The following NDST4 variants were observed in gnomAD, a reference collection of about 807,000 sequenced individuals.
NDST4 encodes N-heparan sulfate sulfotransferase 4.
Under a neutral mutation model 100.8 loss-of-function variants are expected in NDST4, and 63 were observed. That is an observed-to-expected ratio of 0.62 (90% CI 0.51 to 0.77). The LOEUF (loss-of-function observed/expected upper bound fraction) is 0.77. Ranked by LOEUF, NDST4 falls within the 30% of genes least tolerant of loss-of-function variation. The pLI is 0.00. For synonymous variants in NDST4, 377 were observed against 361.8 expected, an observed-to-expected ratio of 1.04 and a Z score of -0.48; for missense variants, 943 against 1,018.4, an observed-to-expected ratio of 0.93 and a Z score of 1.01.
intron 1 of NDST4, among the ~76,000 whole-genome samples, chr4:115,089,134 A>G (rs1176689445): frequency 6.6e-6 from 1 of 152,012 alleles, no homozygotes; most frequent in Admixed American, 6.6e-5. Context: ...CCAAGGTACA[A>G]CTCAAATGAT....
intron 2 of NDST4, among the ~76,000 whole-genome samples, chr4:115,061,912 G>C (rs554130500): frequency 6.6e-6 from 1 of 151,748 alleles, no homozygotes; most frequent in Non-Finnish European, 1.5e-5. Context: ...TATATGAGAG[G>C]AAAAAAGTGA....
intron 7 of NDST4, among the ~76,000 whole-genome samples, chr4:114,869,781 A>AC (rs1724108181): frequency 1.3e-5 from 2 of 152,164 alleles, no homozygotes; most frequent in Non-Finnish European, 2.9e-5. Flanking sequence ...TTTGAGAAAA[A>AC]ATTTATTTTG....
chr4:114,941,958 G>C (rs959824526), intron 4 of NDST4, among the ~76,000 whole-genome samples: 1 of 152,128 alleles, frequency 6.6e-6, no homozygotes, highest in Non-Finnish European at 1.5e-5. Context: ...CTGTTGAGAC[G>C]TCTAGTGGTT....
chr4:115,019,315 G>A (rs537801057), intron 2 of NDST4, among the ~76,000 whole-genome samples: 3 of 152,086 alleles, frequency 2.0e-5, no homozygotes, highest in Non-Finnish European at 4.4e-5. Flanking sequence ...CTCTAAACAA[G>A]GTGTATGTAT....
rs368080530 is a variant in NDST4 at position 114,829,721 on chromosome 4, T to G, written c.2499+69A>C. 3.7e-3 allele frequency: 4,108 copies of G among 1,108,070 alleles called. 18 individuals are homozygous for G. The highest frequency in any genetic ancestry group is 4.7e-3 in the Non-Finnish European group (3,576 of 764,370). The allele number at this position is 1,108,070 out of a possible 1,614,324, so 68.6% of individuals were successfully genotyped here. A position where few individuals can be genotyped will look rare whatever the true frequency, so the allele number is the denominator to read the frequency against. ...GCAGAAAAAGGAAGCAAATTTCTTG[T>G]TACTAGTTTTGAAATAGCTGTTTGC... On this transcript the variant is annotated intron_variant, in intron 13 of 13. Transcript: ENST00000264363.
chr4:114,963,362 T>C (rs567773899), intron 4 of NDST4, among the ~76,000 whole-genome samples: 22 of 152,284 alleles, frequency 1.4e-4, no homozygotes, highest in African/African-American at 5.3e-4. Context: ...TCTACTTATA[T>C]CCCACGTCCA....
intron 11 of NDST4, among the ~76,000 whole-genome samples, chr4:114,839,008 G>A (rs1723368406): frequency 1.3e-5 from 2 of 152,120 alleles, no homozygotes; most frequent in Admixed American, 6.6e-5. Flanking sequence ...TAAAGTTGTT[G>A]TCTAACTGGC....
rs562629195 is a variant in NDST4, at chr4:114,963,562, G to A, written c.1221+6868C>T. On this transcript the variant is annotated intron_variant, in intron 4 of 13. Transcript: ENST00000264363. Reference sequence around the variant, plus strand: ...CCATTGAAGTTTACACTTTACGTGGGTGAACCTTATGATATGTTAATACCA... The same window carrying A: ...CCATTGAAGTTTACACTTTACGTGGATGAACCTTATGATATGTTAATACCA... 2.6e-5 allele frequency among the ~76,000 whole-genome samples: 4 copies of A among 152,246 alleles called. No homozygotes were observed. In the East Asian group the frequency reaches 7.7e-4, roughly 29 times the overall value.
chr4:114,845,460 C>T (rs77595065), intron 10 of NDST4, among the ~76,000 whole-genome samples: 19 of 152,224 alleles, frequency 1.2e-4, no homozygotes, highest in African/African-American at 2.6e-4. Context: ...TTAACTTGGA[C>T]GAAACTTTTA....
intron 7 of NDST4, among the ~76,000 whole-genome samples, chr4:114,862,620 T>G (rs1485726670): frequency 6.6e-6 from 1 of 152,162 alleles, no homozygotes; most frequent in Non-Finnish European, 1.5e-5. Flanking sequence ...TTATCTTCTT[T>G]ATTGCAGTGC....
In NDST4 at chr4:115,012,037, G is replaced by A. The variant is rs951703247; in HGVS notation, c.979-34763C>T. Among the ~76,000 whole-genome samples the A allele has an allele frequency of 9.9e-5, 15 of 152,020 alleles. No individual in the cohort carries two copies. The East Asian group carries it at 2.7e-3, about 27-fold the overall frequency. On this transcript the variant is annotated intron_variant, in intron 2 of 13. Coordinates refer to ENST00000264363, the MANE Select transcript of NDST4 (RefSeq NM_022569.3). The stretch of plus-strand genomic sequence containing the variant: ...GATAGGAGTAAAGTGAATAAAGTAA[G>A]AGAGGATTCAAAGCCTACTTAGAAT...
chr4:114,859,882 A>T (rs73848500), intron 7 of NDST4, among the ~76,000 whole-genome samples: 2,729 of 152,306 alleles, frequency 0.018, 88 homozygotes, highest in African/African-American at 0.061. Flanking sequence ...CATTTCTTAA[A>T]TCATTTGCAA....
chr4:115,105,541 G>A (rs1375564425), intron 1 of NDST4, among the ~76,000 whole-genome samples: 1 of 152,100 alleles, frequency 6.6e-6, no homozygotes, highest in Non-Finnish European at 1.5e-5. Context: ...AACTGCTAGA[G>A]CTGGATTTAG....
At chr4:115,087,095 T>G (rs746200795) in intron 1 of NDST4, among the ~76,000 whole-genome samples, 1 of 152,044 alleles carries the variant, frequency 6.6e-6, no homozygotes, top group African/African-American at 2.4e-5. Flanking sequence ...TAAACAATTT[T>G]TGAATGCTTA....
intron 7 of NDST4, among the ~76,000 whole-genome samples, chr4:114,859,843 T>C (rs2126192145): frequency 6.6e-6 from 1 of 152,368 alleles, no homozygotes; most frequent in South Asian, 2.1e-4. Context: ...TTCAGTTTCA[T>C]AGTTTCCCTT....
At chr4:114,881,387 C>T (rs569819141) in intron 6 of NDST4, among the ~76,000 whole-genome samples, 1 of 152,052 alleles carries the variant, frequency 6.6e-6, no homozygotes, top group Admixed American at 6.6e-5. Flanking sequence ...AAGGTATACT[C>T]AGGTTTCTGG....
At chr4:115,035,497 G>T (rs1728214015) in intron 2 of NDST4, among the ~76,000 whole-genome samples, 1 of 151,982 alleles carries the variant, frequency 6.6e-6, no homozygotes, top group Admixed American at 6.6e-5. Flanking sequence ...ACAAGGGGAA[G>T]TAGGAATAAT....
At chr4:114,897,151 G>GACAGATGTATA (rs1724733237) in intron 6 of NDST4, among the ~76,000 whole-genome samples, 1 of 152,218 alleles carries the variant, frequency 6.6e-6, no homozygotes, top group South Asian at 2.1e-4. Flanking sequence ...TATAGATTTA[G>GACAGATGTATA]ACAGATGTAT....
intron 6 of NDST4, among the ~76,000 whole-genome samples, chr4:114,904,634 T>A (rs1399628274): frequency 6.6e-6 from 1 of 151,908 alleles, no homozygotes; most frequent in Non-Finnish European, 1.5e-5. Flanking sequence ...TTATATGGAT[T>A]TTTTTAGAAT....
Sources: allele counts gnomAD v4.1 joint callset (sites outside exome capture counted in the v4.1 genomes callset), GRCh38; gene constraint gnomAD v4.1.1; transcripts MANE v1.5; gene names NCBI Gene and HGNC (gene_info 2026-07-23, HGNC 2026-07-21).